The following ANKFN1 variants were observed in gnomAD, a reference collection of about 807,000 sequenced individuals.
The protein encoded by ANKFN1 is ankyrin repeat and fibronectin type III domain containing 1.
ANKFN1 carries 74 observed loss-of-function variants against 108.7 expected under a neutral mutation model. That is an observed-to-expected ratio of 0.68 (90% CI 0.56 to 0.83). ANKFN1 has a LOEUF of 0.83. Ranked by LOEUF, ANKFN1 falls within the 40% of genes least tolerant of loss-of-function variation. The probability of loss-of-function intolerance (pLI) is 0.00; values close to 1 mark genes in which losing one functional copy is unlikely to be tolerated. For missense variants in ANKFN1, 1,505 were observed against 1,382.3 expected (o/e 1.09, Z -1.41); for synonymous variants, 547 against 516.2 (o/e 1.06, Z -0.81).
At position 56,186,505 on chromosome 17, in the gene ANKFN1, G is replaced by A. The variant is rs528472623; in HGVS notation, c.-70-26093G>A. Among the ~76,000 whole-genome samples, 5 of 152,320 alleles carry A rather than the reference G, an allele frequency of 3.3e-5. No homozygotes were observed. In the South Asian group the frequency reaches 1.0e-3, roughly 32 times the overall value. ...TCAGTGATTCCAACAACATCCTGGT[G>A]CCAGAGCATTCCACGTTGTCCACTG... is the stretch of plus-strand genomic sequence containing the variant. On this transcript the variant is annotated intron_variant, in intron 1 of 20. Transcript: ENST00000682825.
At chr17:56,110,182 TC>T (rs1399709866) in intron 4 of ANKFN1, among the ~76,000 whole-genome samples, 10 of 152,200 alleles carry the variant, frequency 6.6e-5, no homozygotes, top group Non-Finnish European at 1.5e-4. Flanking sequence ...AAGCTAACCT[TC>T]TTCTTACTCT....
chr17:56,326,100 C>T, intron 3 of ANKFN1, 121 bp from the exon 4 acceptor site: 1 of 1,371,434 alleles, frequency 7.3e-7, no homozygotes, highest in Admixed American at 2.4e-5. Context: ...AAGCTGTTTA[C>T]TTCTCCCTTT....
intron 4 of ANKFN1, among the ~76,000 whole-genome samples, chr17:56,091,133 A>T (rs1905408498): frequency 6.6e-6 from 1 of 151,128 alleles, no homozygotes; most frequent in South Asian, 2.1e-4. Context: ...TTGTTGAAAT[A>T]AGTAGAATAT....
At chr17:56,056,517 C>A (rs1286746122) in intron 4 of ANKFN1, among the ~76,000 whole-genome samples, 1 of 152,058 alleles carries the variant, frequency 6.6e-6, no homozygotes, top group African/African-American at 2.4e-5. Flanking sequence ...AAATATAAAG[C>A]CCAGTGCCTA....
At chr17:56,422,534 C>T (rs563064846) in intron 8 of ANKFN1, among the ~76,000 whole-genome samples, 4 of 152,230 alleles carry the variant, frequency 2.6e-5, no homozygotes, top group African/African-American at 7.2e-5. Flanking sequence ...AACTACTTCT[C>T]TGAATATGCT....
Position 56,113,636 on chromosome 17 carries a change from T to C in ANKFN1, c.288+67311T>C, listed in dbSNP as rs1335954322. Reference sequence around the variant, plus strand: ...TAATGTTGTCATTTTCTTAGGACTATTGTAATGAGGCAGTGCATGTGTAAT... The same window carrying C: ...TAATGTTGTCATTTTCTTAGGACTACTGTAATGAGGCAGTGCATGTGTAAT... On this transcript the variant is annotated intron_variant, in intron 4 of 12. Transcript: ENST00000635860. Among the ~76,000 whole-genome samples, 3 of 152,200 alleles carry C rather than the reference T, an allele frequency of 2.0e-5. No individual in the cohort carries two copies. In the East Asian group the frequency reaches 5.8e-4, roughly 29 times the overall value.
At chr17:56,063,369 A>G (rs1177646944) in intron 4 of ANKFN1, among the ~76,000 whole-genome samples, 2 of 151,078 alleles carry the variant, frequency 1.3e-5, no homozygotes, top group Non-Finnish European at 2.9e-5. Context: ...CATTCTTCCC[A>G]TTTCCTCGTA....
Position 56,510,996 on chromosome 17 carries a change from T to C in ANKFN1, c.3168T>C (p.Pro1056=). The change falls in exon 21 of 21, where the codon CCT becomes CCC. Residue 1056 remains proline (P), a synonymous_variant. Coordinates refer to ENST00000682825, the MANE Select transcript of ANKFN1 (RefSeq NM_001370326.1). ...CCAAGGAGGCCAAGCGGGCCGGCCC[T>C]GCCCTTGATGATCCCAGGGGCCTAA... The part of the protein sequence containing the change: ...QEPKEAKRAG[P]ALDDPRGLTL... 1 of 1,535,980 alleles carries C rather than the reference T, an allele frequency of 6.5e-7. No individual in the cohort carries two copies. Among genetic ancestry groups the C allele is most frequent in the South Asian group, 1.2e-5 (1 of 84,034 alleles).
At chr17:56,458,029 T>C in intron 14 of ANKFN1, 50 bp downstream of exon 14, 1 of 1,501,074 alleles carries the variant, frequency 6.7e-7, no homozygotes, top group Non-Finnish European at 9.2e-7. Context: ...ATTTTTAATG[T>C]AGAAAATTCA....
At chr17:56,309,428 ATC>A (rs2044942871) in intron 3 of ANKFN1, among the ~76,000 whole-genome samples, 1 of 152,134 alleles carries the variant, frequency 6.6e-6, no homozygotes, top group African/African-American at 2.4e-5. Context: ...GGTAAATTGC[ATC>A]TCTTTTTCTT....
At position 56,511,425 on chromosome 17, in the gene ANKFN1, A is replaced by G. The variant is rs2051767534; in HGVS notation, c.*156A>G. 1 of 888,916 alleles carries G rather than the reference A, an allele frequency of 1.1e-6. No homozygotes were observed. Among genetic ancestry groups the G allele is most frequent in the East Asian group, 2.7e-5 (1 of 36,974 alleles). The allele number at this position is 888,916 out of a possible 1,614,324, so 55.1% of individuals were successfully genotyped here. A position where few individuals can be genotyped will look rare whatever the true frequency, so the allele number is the denominator to read the frequency against. On this transcript the variant is annotated 3_prime_UTR_variant, in exon 21 of 21. Coordinates refer to ENST00000682825, the MANE Select transcript of ANKFN1 (RefSeq NM_001370326.1). ...AAGTTCAAGGTCCTCTTTTTTTGGA[A>G]CAGAGTGGTGGGTGGAGGCCAGAGT...
upstream of ANKFN1, among the ~76,000 whole-genome samples, chr17:56,148,570 A>G (rs541448490): frequency 6.6e-6 from 1 of 152,304 alleles, no homozygotes; most frequent in African/African-American, 2.4e-5. Flanking sequence ...ACCTGCAGGG[A>G]CTTTGATCAG....
chr17:56,054,354 T>G (rs555151843), intron 4 of ANKFN1, among the ~76,000 whole-genome samples: 4 of 152,194 alleles, frequency 2.6e-5, no homozygotes, highest in African/African-American at 7.2e-5. Context: ...AGAAACTCAC[T>G]CAGGTTTTGA....
At chr17:56,296,239 A>G (rs1226696740) in intron 3 of ANKFN1, among the ~76,000 whole-genome samples, 3 of 152,196 alleles carry the variant, frequency 2.0e-5, no homozygotes, top group Admixed American at 6.5e-5. Flanking sequence ...ATCAGAGAAC[A>G]TTCTATTGAC....
chr17:56,479,844 C>G (rs1429485214), intron 16 of ANKFN1, among the ~76,000 whole-genome samples: 1 of 152,180 alleles, frequency 6.6e-6, no homozygotes, highest in Non-Finnish European at 1.5e-5. Context: ...CTGCAGAGTT[C>G]GAAGGAGAAT....
At chr17:56,325,904 G>A (rs750266504) in intron 3 of ANKFN1, among the ~76,000 whole-genome samples, 1 of 152,164 alleles carries the variant, frequency 6.6e-6, no homozygotes, top group Non-Finnish European at 1.5e-5. Context: ...AGTGACAGTC[G>A]GTTCGGATTC....
chr17:56,443,627 T>C (rs1440506747), intron 10 of ANKFN1, among the ~76,000 whole-genome samples: 2 of 152,212 alleles, frequency 1.3e-5, no homozygotes, highest in Non-Finnish European at 2.9e-5. Flanking sequence ...GCTTTCTTAC[T>C]AACAGCATTC....
chr17:56,310,616 CAA>C (rs111929941), intron 3 of ANKFN1, among the ~76,000 whole-genome samples: 7 of 127,694 alleles, frequency 5.5e-5, no homozygotes, highest in East Asian at 2.2e-4. Context: ...GACTCCATCT[CAA>C]AAAAAAAAAA....
At chr17:56,368,315 C>T (rs1488428570) in intron 6 of ANKFN1, 7 of 197,498 alleles carry the variant, frequency 3.5e-5, no homozygotes, top group East Asian at 4.0e-4. Flanking sequence ...AGTCTCGCTC[C>T]GTCTCCCAGG....
Sources: allele counts gnomAD v4.1 joint callset (sites outside exome capture counted in the v4.1 genomes callset), GRCh38; gene constraint gnomAD v4.1.1; transcripts MANE v1.5; gene names NCBI Gene and HGNC (gene_info 2026-07-23, HGNC 2026-07-21).